Variants in DENND2B observed in about 807,000 individuals in gnomAD.
The protein encoded by DENND2B is DENN domain-containing protein 2B.
DENND2B carries 32 observed loss-of-function variants against 116.0 expected under a neutral mutation model. The ratio of observed to expected loss-of-function variants is 0.28; its 90% CI spans 0.21 to 0.37. The LOEUF (loss-of-function observed/expected upper bound fraction) is 0.37. Ranked by LOEUF, DENND2B falls within the 10% of genes least tolerant of loss-of-function variation. The probability of loss-of-function intolerance (pLI) is 1.00; values close to 1 mark genes in which losing one functional copy is unlikely to be tolerated. For synonymous variants in DENND2B, 588 were observed against 583.9 expected (o/e 1.01, Z -0.10); for missense variants, 1,276 against 1,477.7 (o/e 0.86, Z 2.24).
chr11:8,900,163 C>T (rs922141114), intron 1 of DENND2B, among the ~76,000 whole-genome samples: 4 of 151,974 alleles, frequency 2.6e-5, no homozygotes, highest in East Asian at 1.9e-4. Context: ...CAGTGGCTCA[C>T]GCCTATAATC....
intron 8 of DENND2B, among the ~76,000 whole-genome samples, chr11:8,713,026 A>G (rs1241690639): frequency 1.3e-5 from 2 of 152,118 alleles, no homozygotes; most frequent in Non-Finnish European, 2.9e-5. Flanking sequence ...GTATCTTGGC[A>G]CCCACTCTGT....
chr11:8,731,127 A>T lies in DENND2B; in HGVS notation c.163T>A (p.Cys55Ser). 6.3e-7 allele frequency: 1 copy of T among 1,593,160 alleles called. No homozygotes were observed. Among genetic ancestry groups the T allele is most frequent in the African/African-American group, 1.3e-5 (1 of 74,558 alleles). Residue 55 changes from cysteine to serine, a missense_variant, in exon 3 of 20, where the codon TGC becomes AGC. Around this residue, in one of 2 missense-constraint regions of DENND2B, gnomAD observed 856 missense variants for 846.6 expected, o/e 1.01. Coordinates refer to ENST00000313726, the MANE Select transcript of DENND2B (RefSeq NM_213618.2). ...YPLSDSETSA[C>S]RYPSHSSSRV... The stretch of plus-strand genomic sequence containing the variant: ...GAGCTGGAGTGGCTGGGGTACCTGC[A>T]GGCTGAGGTTTCACTATCACTGAGC...
At chr11:8,729,896 T>G (rs745769066) in intron 3 of DENND2B, 54 bp downstream of exon 3, 11 of 1,588,322 alleles carry the variant, frequency 6.9e-6, no homozygotes, top group Non-Finnish European at 9.4e-6. Flanking sequence ...GCACTGTCCA[T>G]TTAAAAGAAA....
intron 1 of DENND2B, among the ~76,000 whole-genome samples, chr11:8,886,300 GT>G (rs2063960328): frequency 6.6e-6 from 1 of 152,100 alleles, no homozygotes; most frequent in Non-Finnish European, 1.5e-5. Flanking sequence ...TTTTCTACTA[GT>G]GAAGCACTAA....
chr11:8,834,030 A>T (rs75556794), intron 4 of DENND2B, among the ~76,000 whole-genome samples: 3,025 of 152,264 alleles, frequency 0.02, 37 homozygotes, highest in Middle Eastern at 0.034. Context: ...CCAAAGATGA[A>T]CTCAAAAAGA....
At chr11:8,708,317 T>C in intron 11 of DENND2B, 2 of 985,444 alleles carry the variant, frequency 2.0e-6, no homozygotes, top group Non-Finnish European at 2.4e-6. Context: ...TTTCTCCCTT[T>C]CTTGATCCAC....
intron 1 of DENND2B, among the ~76,000 whole-genome samples, chr11:8,766,108 C>A (rs1791434561): frequency 6.6e-6 from 1 of 152,018 alleles, no homozygotes; most frequent in South Asian, 2.1e-4. Context: ...AAAAAAATTA[C>A]TGAAACACTA....
chr11:8,849,756 G>A (rs770305717), intron 3 of DENND2B, among the ~76,000 whole-genome samples: 7 of 143,412 alleles, frequency 4.9e-5, no homozygotes, highest in Non-Finnish European at 9.3e-5. Flanking sequence ...CCAAGAGGCA[G>A]AGGTTGCAGT....
chr11:8,869,851 C>T (rs1214516778), intron 2 of DENND2B, among the ~76,000 whole-genome samples: 1 of 152,074 alleles, frequency 6.6e-6, no homozygotes, highest in Non-Finnish European at 1.5e-5. Context: ...GGGAGATAGG[C>T]TGTGAACAAT....
At chr11:8,853,980 C>T (rs1365026292) in intron 3 of DENND2B, among the ~76,000 whole-genome samples, 2 of 140,922 alleles carry the variant, frequency 1.4e-5, no homozygotes, top group African/African-American at 2.6e-5. Flanking sequence ...TCCTAAAGTG[C>T]TGGGATTACA....
At chr11:8,739,719 T>C (rs2049849707) in intron 2 of DENND2B, among the ~76,000 whole-genome samples, 1 of 151,970 alleles carries the variant, frequency 6.6e-6, no homozygotes, top group Non-Finnish European at 1.5e-5. Context: ...AAACCAACAT[T>C]TTAAGGAGAG....
intron 2 of DENND2B, among the ~76,000 whole-genome samples, chr11:8,880,378 TGTGTGTA>T (rs964042094): frequency 3.4e-5 from 5 of 148,724 alleles, no homozygotes; most frequent in African/African-American, 1.2e-4. Flanking sequence ...TGTGTGTGTG[TGTGTGTA>T]GTTTTTACTA....
intron 11 of DENND2B, chr11:8,708,132 G>A (rs1032394521): frequency 2.2e-6 from 3 of 1,362,922 alleles, no homozygotes; most frequent in South Asian, 1.5e-5. Context: ...GACGCTGACG[G>A]GGGCTGGCAA....
chr11:8,771,408 G>A (rs546927100), intron 1 of DENND2B, among the ~76,000 whole-genome samples: 20 of 152,048 alleles, frequency 1.3e-4, no homozygotes, highest in African/African-American at 3.9e-4. Flanking sequence ...GTGTGTGTGC[G>A]TGTGTGCACA....
At chr11:8,857,863 T>C (rs1439379093) in intron 2 of DENND2B, among the ~76,000 whole-genome samples, 3 of 152,228 alleles carry the variant, frequency 2.0e-5, no homozygotes, top group East Asian at 3.9e-4. Flanking sequence ...GTTCACCCTA[T>C]AGCCCTTCCA....
intron 1 of DENND2B, among the ~76,000 whole-genome samples, chr11:8,890,335 A>C (rs929380211): frequency 3.3e-5 from 5 of 152,220 alleles, no homozygotes; most frequent in Non-Finnish European, 5.9e-5. Context: ...ATCAGAGCAC[A>C]TCTCCCCCTC....
intron 4 of DENND2B, chr11:8,835,742 A>G (rs1172208574): frequency 2.6e-5 from 4 of 152,228 alleles, no homozygotes; most frequent in African/African-American, 9.7e-5. Flanking sequence ...GCCTAGGACA[A>G]CTTAAGATCA....
At chr11:8,856,181 T>C (rs1385780799) in intron 3 of DENND2B, among the ~76,000 whole-genome samples, 2 of 152,204 alleles carry the variant, frequency 1.3e-5, no homozygotes, top group East Asian at 3.8e-4. Context: ...TGCAATATGA[T>C]CAAAAGACTG....
At chr11:8,867,572 GCTT>G (rs2063626424) in intron 2 of DENND2B, among the ~76,000 whole-genome samples, 1 of 90,670 alleles carries the variant, frequency 1.1e-5, no homozygotes, top group Non-Finnish European at 2.4e-5. Flanking sequence ...TTAAAATTCA[GCTT>G]TTTTTTTTTT....
Sources: gnomAD v4.1 joint callset for allele counts (sites outside exome capture counted in the v4.1 genomes callset) on GRCh38, gnomAD v4.1.1 for gene constraint, gnomAD v4.1.1 regional missense constraint, MANE v1.5 for transcripts, NCBI Gene and HGNC (gene_info 2026-07-23, HGNC 2026-07-21) for gene names.